The following EDDM3B variants were observed in gnomAD, a reference collection of about 807,000 sequenced individuals.
The protein encoded by EDDM3B is epididymal protein 3B.
For missense variants in EDDM3B, 189 were observed against 178.3 expected, an observed-to-expected ratio of 1.06 and a Z score of -0.34; for synonymous variants, 71 against 59.1, an observed-to-expected ratio of 1.20 and a Z score of -0.92.
In EDDM3B at chr14:20,770,556, A is replaced by G. The variant is rs752281354; in HGVS notation, c.406A>G (p.Ile136Val). The G allele has an allele frequency of 1.2e-6, 2 of 1,614,028 alleles. No individual in the cohort carries two copies. The highest frequency in any genetic ancestry group is 1.7e-6 in the Non-Finnish European group (2 of 1,179,978). ...TAGCATGGACGGGTATGTTGATAGC[A>G]TAGAAGACCTAAAGATGGTAGAACC... Reference protein sequence around the residue: ...HCSMDGYVDSIEDLKMVEPIG... With the variant: ...HCSMDGYVDSVEDLKMVEPIG... Residue 136 changes from isoleucine (I) to valine (V), a missense_variant, in exon 2 of 2, where the codon ATA (isoleucine) becomes GTA (valine). Physicochemically the swap from Ile to Val is conservative, Grantham distance 29. Transcript: ENST00000326783.
chr14:20,770,428 A>G lies in EDDM3B; in HGVS notation c.278A>G (p.Tyr93Cys), dbSNP rs1878308088. The change falls in exon 2 of 2, where the codon TAT (tyrosine) becomes TGT (cysteine). Residue 93 changes from tyrosine (Y) to cysteine (C), a missense_variant. Physicochemically the swap from Tyr to Cys is radical, Grantham distance 194. Coordinates refer to ENST00000326783, the MANE Select transcript of EDDM3B (RefSeq NM_022360.5). ...DNWMDRFRNA[Y>C]VWVQNPLKVL... ...TGGATGGATCGCTTCCGAAATGCAT[A>G]TGTATGGGTCCAGAATCCTCTCAAA... 6.2e-7 allele frequency: 1 copy of G among 1,614,200 alleles called. No homozygotes were observed. The highest frequency in any genetic ancestry group is 8.5e-7 in the Non-Finnish European group (1 of 1,180,036).
At chr14:20,769,808 T>C in intron 1 of EDDM3B, among the ~76,000 whole-genome samples, 1 of 152,094 alleles carries the variant, frequency 6.6e-6, no homozygotes, top group African/African-American at 2.4e-5. Context: ...CTCCTGAGAG[T>C]TGGTCTGGTA....
chr14:20,769,218 C>T (rs778943658), intron 1 of EDDM3B, among the ~76,000 whole-genome samples: 17 of 152,076 alleles, frequency 1.1e-4, no homozygotes, highest in African/African-American at 3.4e-4. Flanking sequence ...GCCAACATGG[C>T]GAAACATTGT....
At position 20,770,372 on chromosome 14, in the gene EDDM3B, C is replaced by T; in HGVS notation, c.222C>T (p.Tyr74=). Residue 74 remains tyrosine, a synonymous_variant, in exon 2 of 2, where the codon TAC becomes TAT. Transcript: ENST00000326783. ...SSHMFIYISW[Y]KIEHICTSDN... is the part of the protein sequence containing the mutation. ...ACATGTTTATCTATATCTCATGGTA[C>T]AAAATCGAGCATATATGCACTAGTG... The T allele has an allele frequency of 6.2e-7, 1 of 1,614,164 alleles. No homozygotes were observed. The highest frequency in any genetic ancestry group is 8.5e-7 in the Non-Finnish European group (1 of 1,180,030).
rs113866799 is a variant in EDDM3B at position 20,770,134 on chromosome 14, C to T, written c.-17C>T. ...TTTCTCTTCTCTGTGGACACGCAGG[C>T]GGCCCCGGTGACTGAGATGGCATCG... On this transcript the variant is annotated splice_region_variant and 5_prime_UTR_variant, in exon 2 of 2. Transcript: ENST00000326783. 2,335 of 1,589,004 alleles carry T rather than the reference C, an allele frequency of 1.5e-3. 32 individuals are homozygous for T. In the African/African-American group the frequency reaches 0.026, roughly 18 times the overall value.
chr14:20,768,468 C>T lies in EDDM3B; in HGVS notation c.-57C>T, dbSNP rs983671142. 3.3e-5 allele frequency: 5 copies of T among 152,250 alleles called. No homozygotes were observed. The highest frequency in any genetic ancestry group is 1.2e-4 in the African/African-American group (5 of 41,436). 9.4% of individuals were successfully genotyped at this position (152,250 alleles called of 1,614,324 possible). A position where few individuals can be genotyped will look rare whatever the true frequency, so the allele number is the denominator to read the frequency against. On this transcript the variant is annotated 5_prime_UTR_variant, in exon 1 of 2. Coordinates refer to ENST00000326783, the MANE Select transcript of EDDM3B (RefSeq NM_022360.5). Reference sequence around the variant, plus strand: ...GCTCTTCAGATCCACACACTGATCCCAACTACAACCAGTGACCTGAACTTG... The same window carrying T: ...GCTCTTCAGATCCACACACTGATCCTAACTACAACCAGTGACCTGAACTTG...
intron 1 of EDDM3B, 114 bp downstream of exon 1, chr14:20,768,620 G>A (rs1313768947): frequency 6.6e-6 from 1 of 152,220 alleles, no homozygotes; most frequent in East Asian, 1.9e-4. Flanking sequence ...GGAAAACAAA[G>A]GTGTGAATTC....
chr14:20,770,574 G>C lies in EDDM3B; in HGVS notation c.424G>C (p.Val142Leu). The C allele has an allele frequency of 6.2e-7, 1 of 1,612,002 alleles. No individual in the cohort carries two copies. Among genetic ancestry groups the C allele is most frequent in the East Asian group, 2.2e-5 (1 of 44,846 alleles). The change falls in exon 2 of 2, where the codon GTA becomes CTA. Residue 142 changes from valine (V) to leucine (L), a missense_variant. By Grantham distance (32) the Val-to-Leu change is conservative. Coordinates refer to ENST00000326783, the MANE Select transcript of EDDM3B (RefSeq NM_022360.5). ...TGATAGCATAGAAGACCTAAAGATG[G>C]TAGAACCTATCGGCAACTAGAAAGT... is the stretch of plus-strand genomic sequence containing the variant. ...YVDSIEDLKM[V>L]EPIGN
intron 1 of EDDM3B, among the ~76,000 whole-genome samples, chr14:20,769,387 G>A (rs1594250818): frequency 1.3e-5 from 2 of 152,150 alleles, no homozygotes; most frequent in East Asian, 3.9e-4. Flanking sequence ...GTGACACAGT[G>A]AGACTCTGTC....
chr14:20,770,419 GA>G lies in EDDM3B; in HGVS notation c.272del (p.Asn91MetfsTer46). ...AGTGACAACTGGATGGATCGCTTCC[GA>G]AATGCATATGTATGGGTCCAGAATC... ...CTSDNWMDRF[R>X]NAYVWVQNPL... On this transcript the variant is annotated frameshift_variant, in exon 2 of 2. Transcript: ENST00000326783. LOFTEE classifies it low-confidence loss of function (END_TRUNC). 1 of 1,614,142 alleles carries G rather than the reference GA, an allele frequency of 6.2e-7. No individual in the cohort carries two copies. Among genetic ancestry groups the G allele is most frequent in the African/African-American group, 1.3e-5 (1 of 75,024 alleles).
In EDDM3B at chr14:20,770,541, G is replaced by A. The variant is rs141966055; in HGVS notation, c.391G>A (p.Gly131Arg). 3.7e-5 allele frequency: 60 copies of A among 1,613,910 alleles called. No homozygotes were observed. Among genetic ancestry groups the A allele is most frequent in the East Asian group, 8.9e-5 (4 of 44,868 alleles). The change falls in exon 2 of 2, where the codon GGG becomes AGG. Residue 131 changes from glycine to arginine, a missense_variant. By Grantham distance (125) the Gly-to-Arg change is moderately radical. Transcript: ENST00000326783. ...NYIEFHCSMD[G>R]YVDSIEDLKM... ...CATTGAATTCCATTGTAGCATGGAC[G>A]GGTATGTTGATAGCATAGAAGACCT...
chr14:20,769,742 C>A (rs1000991790), intron 1 of EDDM3B, among the ~76,000 whole-genome samples: 1 of 152,146 alleles, frequency 6.6e-6, no homozygotes, highest in Admixed American at 6.5e-5. Context: ...ATCTGACAAC[C>A]CTTTCCACTT....
chr14:20,768,562 G>A (rs1464218446), intron 1 of EDDM3B, 56 bp downstream of exon 1: 1 of 152,264 alleles, frequency 6.6e-6, no homozygotes, highest in Non-Finnish European at 1.5e-5. Flanking sequence ...CTGAAAGGAG[G>A]CTGATTGAAC....
intron 1 of EDDM3B, among the ~76,000 whole-genome samples, chr14:20,768,806 C>T (rs1290394939): frequency 6.6e-6 from 1 of 152,168 alleles, no homozygotes; most frequent in African/African-American, 2.4e-5. Flanking sequence ...TGTTCTGTGT[C>T]TGATGTGGAC....
At position 20,768,502 on chromosome 14, in the gene EDDM3B, G is replaced by C. The variant is rs1406830698; in HGVS notation, c.-23G>C. Reference sequence around the variant, plus strand: ...CCAGTGACCTGAACTTGGAGTCTGAGTAGGGTAAGAAGGGCTCTGCTGAGG... The same window carrying C: ...CCAGTGACCTGAACTTGGAGTCTGACTAGGGTAAGAAGGGCTCTGCTGAGG... On this transcript the variant is annotated 5_prime_UTR_variant, in exon 1 of 2. Transcript: ENST00000326783. 1.3e-5 allele frequency: 2 copies of C among 152,290 alleles called. No homozygotes were observed. The highest frequency in any genetic ancestry group is 2.9e-5 in the Non-Finnish European group (2 of 68,108). 9.4% of individuals were successfully genotyped at this position (152,290 alleles called of 1,614,324 possible).
rs1878309087 is a variant in EDDM3B, at chr14:20,770,452, A to C, written c.302A>C (p.Lys101Thr). The change falls in exon 2 of 2, where the codon AAA becomes ACA. Residue 101 changes from lysine (K) to threonine (T), a missense_variant. Transcript: ENST00000326783. Reference sequence around the variant, plus strand: ...TATGTATGGGTCCAGAATCCTCTCAAAGTACTCAAGTGTCACCAGGAGAAT... The same window carrying C: ...TATGTATGGGTCCAGAATCCTCTCACAGTACTCAAGTGTCACCAGGAGAAT... ...NAYVWVQNPL[K>T]VLKCHQENSK... The C allele has an allele frequency of 6.2e-7, 1 of 1,614,200 alleles. No individual in the cohort carries two copies. Among genetic ancestry groups the C allele is most frequent in the African/African-American group, 1.3e-5 (1 of 75,046 alleles).
In EDDM3B at chr14:20,770,787, A is replaced by T; in HGVS notation, c.*193A>T. On this transcript the variant is annotated 3_prime_UTR_variant, in exon 2 of 2. Coordinates refer to ENST00000326783, the MANE Select transcript of EDDM3B (RefSeq NM_022360.5). ...TGTGTTGTTTCTCTGCCTGGAATACACTTTTGTCTTCATTTACCTAATTTA... is the reference window on the plus strand; with the variant it reads ...TGTGTTGTTTCTCTGCCTGGAATACTCTTTTGTCTTCATTTACCTAATTTA... 1 of 563,106 alleles carries T rather than the reference A, an allele frequency of 1.8e-6. No homozygotes were observed. The highest frequency in any genetic ancestry group is 3.2e-6 in the Non-Finnish European group (1 of 315,038). 34.9% of individuals were successfully genotyped at this position (563,106 alleles called of 1,614,324 possible).
intron 1 of EDDM3B, among the ~76,000 whole-genome samples, chr14:20,768,767 G>C (rs1878246098): frequency 6.6e-6 from 1 of 152,082 alleles, no homozygotes; most frequent in Admixed American, 6.6e-5. Flanking sequence ...ATCAGGACAG[G>C]GTTCCACAGA....
In EDDM3B at chr14:20,770,565, C is replaced by A. The variant is rs1594251791; in HGVS notation, c.415C>A (p.Leu139Ile). The A allele has an allele frequency of 6.2e-7, 1 of 1,613,466 alleles. No homozygotes were observed. The highest frequency in any genetic ancestry group is 8.5e-7 in the Non-Finnish European group (1 of 1,179,820). Residue 139 changes from leucine to isoleucine, a missense_variant, in exon 2 of 2, where the codon CTA becomes ATA. By Grantham distance (5) the Leu-to-Ile change is conservative (BLOSUM62 2). Transcript: ENST00000326783. Reference protein sequence around the residue: ...MDGYVDSIEDLKMVEPIGN With the variant: ...MDGYVDSIEDIKMVEPIGN ...CGGGTATGTTGATAGCATAGAAGAC[C>A]TAAAGATGGTAGAACCTATCGGCAA...
Sources: allele counts gnomAD v4.1 joint callset (sites outside exome capture counted in the v4.1 genomes callset), GRCh38; gene constraint gnomAD v4.1.1; transcripts MANE v1.5; gene names NCBI Gene and HGNC (gene_info 2026-07-23, HGNC 2026-07-21).